PLXDC2: variants seen among roughly 807,000 people sequenced by gnomAD.
PLXDC2 encodes the protein plexin domain containing 2, also known as plexin domain-containing protein 2.
A neutral mutation model predicts 68.9 loss-of-function variants in PLXDC2; 40 were observed. The ratio of observed to expected loss-of-function variants is 0.58; its 90% CI spans 0.45 to 0.76. The LOEUF (loss-of-function observed/expected upper bound fraction) is 0.76, where lower values mean the gene tolerates loss of function less well. Among genes scored for constraint, PLXDC2 ranks in the 30% least tolerant of loss-of-function variants. The pLI, the probability that PLXDC2 is intolerant of heterozygous loss-of-function variation, is 0.00. For missense variants in PLXDC2, 644 were observed against 661.9 expected, an observed-to-expected ratio of 0.97 and a Z score of 0.30; for synonymous variants, 243 against 234.2, an observed-to-expected ratio of 1.04 and a Z score of -0.34.
rs1554776718 is a variant in PLXDC2, at chr10:20,230,703, A to AAAAAC, written c.1312+11605_1312+11606insCAAAA. On this transcript the variant is annotated intron_variant, in intron 12 of 13. Transcript: ENST00000377252. Reference sequence around the variant, plus strand: ...AGTGAGACCTTGTCTCAAAAAAAAAAAAAAAAAAAAACAGGAAAACAGTGT... The same window carrying AAAAAC: ...AGTGAGACCTTGTCTCAAAAAAAAAAAAAACAAAAAAAAAAACAGGAAAACAGTGT... 7.7e-4 allele frequency among the ~76,000 whole-genome samples: 115 copies of AAAAAC among 149,546 alleles called. 2 individuals are homozygous for AAAAAC. The highest frequency in any genetic ancestry group is 2.8e-3 in the African/African-American group (113 of 41,070).
intron 4 of PLXDC2, among the ~76,000 whole-genome samples, chr10:20,071,607 C>G (rs1836316604): frequency 2.6e-5 from 4 of 152,176 alleles, no homozygotes; most frequent in Admixed American, 6.6e-5. Context: ...GATTGTGAGG[C>G]CTCCCCAGCC....
At chr10:20,246,047 C>A (rs1835590412) in intron 13 of PLXDC2, among the ~76,000 whole-genome samples, 1 of 152,188 alleles carries the variant, frequency 6.6e-6, no homozygotes, top group African/African-American at 2.4e-5. Flanking sequence ...TGTATGTACA[C>A]TTGTACATTT....
At chr10:20,209,374 C>T (rs1001920478) in intron 9 of PLXDC2, among the ~76,000 whole-genome samples, 12 of 151,038 alleles carry the variant, frequency 7.9e-5, no homozygotes, top group South Asian at 2.1e-4. Flanking sequence ...CATCACACAC[C>T]GGGGCCTGTT....
At chr10:20,068,358 C>A in intron 4 of PLXDC2, 119 bp downstream of exon 4, 7 of 896,892 alleles carry the variant, frequency 7.8e-6, no homozygotes, top group South Asian at 1.9e-5. Context: ...TGTTTTATCA[C>A]AAAGTCATAG....
intron 9 of PLXDC2, among the ~76,000 whole-genome samples, chr10:20,195,018 T>C (rs1380358356): frequency 6.6e-6 from 1 of 151,976 alleles, no homozygotes; most frequent in Non-Finnish European, 1.5e-5. Context: ...TGTATTACAT[T>C]ATAAAAGATA....
chr10:20,180,496 T>C (rs1488958474), intron 9 of PLXDC2, among the ~76,000 whole-genome samples: 2 of 152,046 alleles, frequency 1.3e-5, no homozygotes, highest in Non-Finnish European at 2.9e-5. Flanking sequence ...TTAGAGCTTT[T>C]ATGAACAAAT....
Position 20,121,333 on chromosome 10 carries a change from A to G in PLXDC2, c.542-21962A>G, listed in dbSNP as rs150093356. Among the ~76,000 whole-genome samples the G allele has an allele frequency of 6.7e-3, 1,023 of 152,124 alleles. 15 individuals carry two copies. The highest frequency in any genetic ancestry group is 0.024 in the African/African-American group (982 of 41,466). ...TACAGGGTGTGGTCCTGGCTCTTGT[A>G]TAAGAATTCTGACCGCACTAACCAT... On this transcript the variant is annotated intron_variant, in intron 4 of 13. Coordinates refer to ENST00000377252, the MANE Select transcript of PLXDC2 (RefSeq NM_032812.9).
chr10:20,216,432 G>C (rs1270744323), intron 10 of PLXDC2, among the ~76,000 whole-genome samples: 1 of 152,120 alleles, frequency 6.6e-6, no homozygotes, highest in Admixed American at 6.5e-5. Context: ...AATTAAATGA[G>C]ACCCTAGTAT....
intron 1 of PLXDC2, among the ~76,000 whole-genome samples, chr10:19,949,122 T>TC (rs1833953846): frequency 8.0e-5 from 1 of 12,456 alleles, no homozygotes; most frequent in African/African-American, 2.7e-4. Context: ...CGAGACTTTG[T>TC]CAAAAAAAAA....
intron 1 of PLXDC2, among the ~76,000 whole-genome samples, chr10:19,830,928 T>A (rs1240182557): frequency 6.6e-6 from 1 of 152,150 alleles, no homozygotes; most frequent in African/African-American, 2.4e-5. Flanking sequence ...TGTGTAAGTA[T>A]TCAATTGAGG....
At chr10:20,105,088 T>C (rs1833474178) in intron 4 of PLXDC2, among the ~76,000 whole-genome samples, 1 of 150,322 alleles carries the variant, frequency 6.7e-6, no homozygotes, top group Non-Finnish European at 1.5e-5. Flanking sequence ...CCAGATCTTC[T>C]TGGTCCTGGA....
At chr10:20,023,827 A>G (rs929070676) in intron 2 of PLXDC2, among the ~76,000 whole-genome samples, 1 of 152,178 alleles carries the variant, frequency 6.6e-6, no homozygotes, top group Non-Finnish European at 1.5e-5. Context: ...CTCAATTTGT[A>G]TCTGCTGCAT....
At chr10:19,932,193 G>T (rs1413733473) in intron 1 of PLXDC2, among the ~76,000 whole-genome samples, 1 of 152,168 alleles carries the variant, frequency 6.6e-6, no homozygotes, top group Non-Finnish European at 1.5e-5. Context: ...CCAGAAACCA[G>T]CTCAATTGCT....
intron 1 of PLXDC2, among the ~76,000 whole-genome samples, chr10:19,844,064 C>T (rs1190488265): frequency 1.3e-5 from 2 of 152,006 alleles, no homozygotes; most frequent in Non-Finnish European, 2.9e-5. Context: ...TATTATGTAT[C>T]TAAATAAATA....
chr10:20,205,794 C>G (rs1834982951), intron 9 of PLXDC2, among the ~76,000 whole-genome samples: 2 of 151,994 alleles, frequency 1.3e-5, no homozygotes, highest in South Asian at 4.1e-4. Context: ...CCTCCCCCAC[C>G]TCATCTTACA....
At chr10:20,115,519 A>AT (rs1368402119) in intron 4 of PLXDC2, among the ~76,000 whole-genome samples, 2 of 152,308 alleles carry the variant, frequency 1.3e-5, no homozygotes, top group African/African-American at 4.8e-5. Context: ...ATGTTAGTAC[A>AT]TAAAAACCCA....
At chr10:20,270,909 G>A (rs1214373055) in intron 13 of PLXDC2, among the ~76,000 whole-genome samples, 3 of 150,102 alleles carry the variant, frequency 2.0e-5, no homozygotes, top group African/African-American at 7.4e-5. Context: ...AGGCAGGTTT[G>A]GTTTGAGCTG....
intron 1 of PLXDC2, among the ~76,000 whole-genome samples, chr10:19,949,677 T>C (rs1833962899): frequency 6.6e-6 from 1 of 152,228 alleles, no homozygotes; most frequent in Non-Finnish European, 1.5e-5. Context: ...TTCATCTTGA[T>C]ATTAGAGACT....
intron 1 of PLXDC2, among the ~76,000 whole-genome samples, chr10:19,868,308 C>G (rs1015341740): frequency 6.6e-6 from 1 of 152,112 alleles, no homozygotes; most frequent in African/African-American, 2.4e-5. Flanking sequence ...GTCTGTCATT[C>G]CCTTCTTTGT....
Sources: gnomAD v4.1 joint callset for allele counts (sites outside exome capture counted in the v4.1 genomes callset) on GRCh38, gnomAD v4.1.1 for gene constraint, MANE v1.5 for transcripts, NCBI Gene and HGNC (gene_info 2026-07-23, HGNC 2026-07-21) for gene names.